Variants in ZNF536 observed in about 807,000 individuals in gnomAD.
ZNF536 encodes zinc finger protein 536.
In ZNF536, 13 loss-of-function variants were observed where a neutral mutation model predicts 84.5. The observed-to-expected ratio is 0.15, with a 90% CI of 0.10 to 0.24. The LOEUF is 0.24. Among genes scored for constraint, ZNF536 ranks in the 10% least tolerant of loss-of-function variants. The pLI is 1.00. For missense variants in ZNF536, 1,536 were observed against 1,747.5 expected (o/e 0.88, Z 2.16); for synonymous variants, 811 against 742.5 (o/e 1.09, Z -1.50).
At chr19:30,633,529 A>G (rs188983949) in intron 1 of ZNF536, among the ~76,000 whole-genome samples, 4 of 152,256 alleles carry the variant, frequency 2.6e-5, no homozygotes, top group East Asian at 1.9e-4. Context: ...TGTTCCTCCT[A>G]TTGAACTGAG....
chr19:30,402,713 G>A (rs907139510), intron 1 of ZNF536, among the ~76,000 whole-genome samples: 3 of 149,414 alleles, frequency 2.0e-5, no homozygotes, highest in Non-Finnish European at 3.0e-5. Flanking sequence ...AGAGCATCTC[G>A]AGTCATATTA....
At chr19:30,664,938 T>A (rs553458107) in intron 1 of ZNF536, among the ~76,000 whole-genome samples, 99 of 152,322 alleles carry the variant, frequency 6.5e-4, no homozygotes, top group African/African-American at 2.3e-3. Context: ...TATAAATAGG[T>A]CACAATAGTG....
chr19:30,471,977 A>C (rs1299708839), intron 2 of ZNF536, among the ~76,000 whole-genome samples: 1 of 152,162 alleles, frequency 6.6e-6, no homozygotes, highest in Non-Finnish European at 1.5e-5. Flanking sequence ...ATGCTGGGCA[A>C]ACCGAGGAGC....
intron 2 of ZNF536, among the ~76,000 whole-genome samples, chr19:30,452,479 G>A (rs1188530818): frequency 6.6e-6 from 1 of 152,176 alleles, no homozygotes; most frequent in Non-Finnish European, 1.5e-5. Context: ...CAAAGGGGTG[G>A]GGACAGGGCT....
At chr19:30,329,275 C>T (rs1296554077) in intron 2 of ZNF536, among the ~76,000 whole-genome samples, 3 of 152,152 alleles carry the variant, frequency 2.0e-5, no homozygotes, top group Non-Finnish European at 4.4e-5. Flanking sequence ...ATTTTTGCTT[C>T]GTAGGAATGC....
At chr19:30,518,175 G>A (rs2044167633) in intron 2 of ZNF536, among the ~76,000 whole-genome samples, 2 of 152,136 alleles carry the variant, frequency 1.3e-5, no homozygotes, top group African/African-American at 4.8e-5. Context: ...CCATCACCTC[G>A]CAGCTGGCCC....
intron 2 of ZNF536, among the ~76,000 whole-genome samples, chr19:30,294,778 G>A (rs2045947428): frequency 6.6e-6 from 1 of 152,138 alleles, no homozygotes; most frequent in Non-Finnish European, 1.5e-5. Context: ...TGCTTCCTTA[G>A]GTGGGGCGCA....
At chr19:30,456,654 T>C (rs1357276343) in intron 2 of ZNF536, among the ~76,000 whole-genome samples, 2 of 152,214 alleles carry the variant, frequency 1.3e-5, no homozygotes, top group African/African-American at 2.4e-5. Context: ...ATTTGTTTGT[T>C]CAATCATTAA....
chr19:30,397,691 G>A (rs74818416), intron 1 of ZNF536, among the ~76,000 whole-genome samples: 38 of 152,228 alleles, frequency 2.5e-4, no homozygotes, highest in South Asian at 2.1e-4. Flanking sequence ...GTTAATTGGC[G>A]TCTGTTAATT....
At chr19:30,580,967 G>A (rs956749475) in intron 1 of ZNF536, among the ~76,000 whole-genome samples, 1 of 152,170 alleles carries the variant, frequency 6.6e-6, no homozygotes, top group African/African-American at 2.4e-5. Context: ...GTCCTCATTC[G>A]ATCTGGAAGT....
intron 1 of ZNF536, among the ~76,000 whole-genome samples, chr19:30,421,912 T>G (rs901788682): frequency 6.6e-6 from 1 of 152,244 alleles, no homozygotes; most frequent in Non-Finnish European, 1.5e-5. Context: ...TTTATTTTTA[T>G]AATTACCTTT....
intron 2 of ZNF536, among the ~76,000 whole-genome samples, chr19:30,503,097 A>C (rs1262862416): frequency 6.6e-6 from 1 of 152,092 alleles, no homozygotes; most frequent in Non-Finnish European, 1.5e-5. Context: ...CTACTCAATA[A>C]ATATTTGTTG....
intron 4 of ZNF536, among the ~76,000 whole-genome samples, chr19:30,553,133 T>C (rs1369200595): frequency 1.3e-5 from 2 of 152,216 alleles, no homozygotes; most frequent in African/African-American, 4.8e-5. Context: ...CTTGGTTTTA[T>C]TGGAATGTTT....
In ZNF536 at chr19:30,444,288, G is replaced by A. The variant is rs563610630; in HGVS notation, c.726G>A (p.Leu242=). 1.3e-6 allele frequency: 2 copies of A among 1,573,326 alleles called. No homozygotes were observed. The highest frequency in any genetic ancestry group is 1.1e-5 in the South Asian group (1 of 88,046). Residue 242 remains leucine, a synonymous_variant, in exon 2 of 5, where the codon CTG becomes CTA. Transcript: ENST00000355537. ...QAPLAACTLA[L]QANHSVPDVA... ...CGCTGGCCGCCTGCACCCTGGCCCT[G>A]CAGGCTAACCACAGCGTTCCCGACG...
chr19:30,408,734 C>T (rs182440775), intron 1 of ZNF536, among the ~76,000 whole-genome samples: 72 of 151,576 alleles, frequency 4.8e-4, no homozygotes, highest in African/African-American at 1.7e-3. Context: ...CATCATTGAT[C>T]CATCGGTCCA....
intron 1 of ZNF536, among the ~76,000 whole-genome samples, chr19:30,689,708 A>G (rs963617722): frequency 6.6e-6 from 1 of 152,218 alleles, no homozygotes; most frequent in Non-Finnish European, 1.5e-5. Flanking sequence ...TTCCTGAGAC[A>G]GCGTTCCCGT....
At chr19:30,473,525 G>T (rs1449392749) in intron 2 of ZNF536, among the ~76,000 whole-genome samples, 1 of 152,174 alleles carries the variant, frequency 6.6e-6, no homozygotes, top group African/African-American at 2.4e-5. Flanking sequence ...CTGCCTATCT[G>T]TAAGTAACAA....
intron 1 of ZNF536, among the ~76,000 whole-genome samples, chr19:30,576,572 C>T (rs1343220608): frequency 6.6e-6 from 1 of 152,210 alleles, no homozygotes; most frequent in Non-Finnish European, 1.5e-5. Context: ...ACGCTAGTGG[C>T]GCTCATGTCT....
downstream of ZNF536, among the ~76,000 whole-genome samples, chr19:30,562,910 G>C (rs1434430485): frequency 1.3e-5 from 2 of 152,162 alleles, no homozygotes; most frequent in African/African-American, 4.8e-5. Context: ...AGTATGCTCT[G>C]TCTCTACATG....
Sources: allele counts gnomAD v4.1 joint callset (sites outside exome capture counted in the v4.1 genomes callset), GRCh38; gene constraint gnomAD v4.1.1; transcripts MANE v1.5; gene names NCBI Gene and HGNC (gene_info 2026-07-23, HGNC 2026-07-21).